Variants in ZCWPW2 observed in about 807,000 individuals in gnomAD.
ZCWPW2 encodes zinc finger CW-type and PWWP domain containing 2.
In ZCWPW2, 45 loss-of-function variants were observed where a neutral mutation model predicts 46.6. The observed-to-expected ratio is 0.96, with a 90% CI of 0.76 to 1.24. The LOEUF (loss-of-function observed/expected upper bound fraction) is 1.24, where lower values mean the gene tolerates loss of function less well. Among genes scored for constraint, ZCWPW2 ranks in the 50% most tolerant of loss-of-function variants. The pLI, the probability that ZCWPW2 is intolerant of heterozygous loss-of-function variation, is 0.00. For missense variants in ZCWPW2, 429 were observed against 403.9 expected (o/e 1.06, Z -0.53); for synonymous variants, 152 against 137.1 (o/e 1.11, Z -0.76).
intron 6 of ZCWPW2, among the ~76,000 whole-genome samples, chr3:28,503,085 A>G (rs1368312945): frequency 2.3e-4 from 35 of 152,166 alleles, no homozygotes; most frequent in Admixed American, 2.3e-3. Flanking sequence ...TGGAATTTGA[A>G]TTTGATGATA....
intron 2 of ZCWPW2, among the ~76,000 whole-genome samples, chr3:28,391,104 GA>G (rs199898218): frequency 0.011 from 1,644 of 152,274 alleles, 12 homozygotes; most frequent in Middle Eastern, 0.041. Flanking sequence ...AGTTAAGGGA[GA>G]TTACATAAGA....
At chr3:28,505,958 C>T (rs1169296438) in intron 6 of ZCWPW2, among the ~76,000 whole-genome samples, 1 of 151,444 alleles carries the variant, frequency 6.6e-6, no homozygotes, top group East Asian at 1.9e-4. Flanking sequence ...AATGTCAAGT[C>T]AGTTTATGCA....
intron 1 of ZCWPW2, among the ~76,000 whole-genome samples, chr3:28,384,818 G>T (rs1240166713): frequency 6.6e-6 from 1 of 151,954 alleles, no homozygotes; most frequent in Non-Finnish European, 1.5e-5. Context: ...GTTTTACCAT[G>T]TTGGCCAGGC....
intron 4 of ZCWPW2, among the ~76,000 whole-genome samples, chr3:28,453,699 G>C (rs1481391474): frequency 6.6e-6 from 1 of 151,884 alleles, no homozygotes; most frequent in Non-Finnish European, 1.5e-5. Context: ...TCTTAAATTA[G>C]TAAATAGCTG....
rs193084268 is a variant in ZCWPW2, at chr3:28,355,641, C to G, written c.-134+6438C>G. 2.5e-4 allele frequency among the ~76,000 whole-genome samples: 38 copies of G among 152,292 alleles called. No homozygotes were observed. In the East Asian group the frequency reaches 4.2e-3, roughly 17 times the overall value. On this transcript the variant is annotated intron_variant, in intron 1 of 9. Transcript: ENST00000383768. ...TAACCAAAATAGCATGGTACTGGTA[C>G]CAAAACAGAGATGTAGACCAATGGA...
intron 2 of ZCWPW2, among the ~76,000 whole-genome samples, chr3:28,410,533 A>G (rs1696361219): frequency 1.3e-5 from 2 of 152,044 alleles, no homozygotes; most frequent in Non-Finnish European, 2.9e-5. Flanking sequence ...CCAAAATACA[A>G]TTACATTAAA....
At chr3:28,441,770 G>T (rs1043288718) in intron 4 of ZCWPW2, among the ~76,000 whole-genome samples, 8 of 152,260 alleles carry the variant, frequency 5.3e-5, no homozygotes, top group African/African-American at 1.9e-4. Flanking sequence ...GGCTAGATGG[G>T]TCAGAAAGCA....
Position 28,429,099 on chromosome 3 carries a change from C to T in ZCWPW2, c.333-6011C>T, listed in dbSNP as rs139506460. 2.8e-3 allele frequency among the ~76,000 whole-genome samples: 422 copies of T among 152,232 alleles called. 2 individuals are homozygous for T. The highest frequency in any genetic ancestry group is 9.2e-3 in the African/African-American group (384 of 41,542). On this transcript the variant is annotated intron_variant, in intron 3 of 9. Coordinates refer to ENST00000383768, the MANE Select transcript of ZCWPW2 (RefSeq NM_001040432.4). ...GCTGAGATTGGAATAGTTTGGAGGG[C>T]TCGATACAAGACAGAAAGATGTGGG...
At chr3:28,360,829 C>G (rs13095675) in intron 1 of ZCWPW2, among the ~76,000 whole-genome samples, 1 of 151,842 alleles carries the variant, frequency 6.6e-6, no homozygotes, top group African/African-American at 2.4e-5. Flanking sequence ...AGGAAGACTC[C>G]TACATTCTGA....
intron 4 of ZCWPW2, among the ~76,000 whole-genome samples, chr3:28,463,298 A>G (rs1289992585): frequency 3.9e-5 from 6 of 152,130 alleles, no homozygotes; most frequent in Non-Finnish European, 8.8e-5. Context: ...TTGGAATCAT[A>G]GGATTTACTG....
chr3:28,461,131 A>G (rs992639274), intron 4 of ZCWPW2: 1 of 163,698 alleles, frequency 6.1e-6, no homozygotes, highest in East Asian at 1.6e-4. Flanking sequence ...ATATATAAAC[A>G]TTGTGTCTAA....
chr3:28,521,471 A>C (rs1201536118), intron 9 of ZCWPW2, among the ~76,000 whole-genome samples: 1 of 152,212 alleles, frequency 6.6e-6, no homozygotes, highest in Non-Finnish European at 1.5e-5. Context: ...CAGGATACCA[A>C]GAGCTCACTG....
chr3:28,412,921 T>G, intron 2 of ZCWPW2, 135 bp from the exon 3 acceptor site: 1 of 625,990 alleles, frequency 1.6e-6, no homozygotes, highest in East Asian at 2.8e-5. Flanking sequence ...GTTCAACATA[T>G]GTAGTCTTTG....
chr3:28,349,751 A>G (rs1044656663), intron 1 of ZCWPW2, among the ~76,000 whole-genome samples: 1 of 152,192 alleles, frequency 6.6e-6, no homozygotes, highest in African/African-American at 2.4e-5. Context: ...AACAATAATT[A>G]TAGAAAATTT....
intron 1 of ZCWPW2, among the ~76,000 whole-genome samples, chr3:28,359,512 G>A (rs1192506593): frequency 1.3e-5 from 2 of 151,976 alleles, no homozygotes; most frequent in Non-Finnish European, 2.9e-5. Context: ...TTGAAGAAAA[G>A]AGAAAAAGGC....
intron 3 of ZCWPW2, among the ~76,000 whole-genome samples, chr3:28,433,142 C>T (rs1697339012): frequency 6.6e-6 from 1 of 151,968 alleles, no homozygotes; most frequent in African/African-American, 2.4e-5. Flanking sequence ...CTACACTATA[C>T]ACCACACATA....
At chr3:28,380,962 A>T (rs1437137089) in intron 1 of ZCWPW2, among the ~76,000 whole-genome samples, 1 of 53,906 alleles carries the variant, frequency 1.9e-5, no homozygotes, top group African/African-American at 1.0e-4. Flanking sequence ...ATATATATAT[A>T]TATATATATT....
At position 28,348,883 on chromosome 3, in the gene ZCWPW2, T is replaced by A. The variant is rs1704397851; in HGVS notation, c.-454T>A. ...CGAGAGAAGGCCCGTTACCCAGCAATACGCGCGCGAGACCCAGGCCCGCCG... is the reference window on the plus strand; with the variant it reads ...CGAGAGAAGGCCCGTTACCCAGCAAAACGCGCGCGAGACCCAGGCCCGCCG... On this transcript the variant is annotated 5_prime_UTR_variant, in exon 1 of 10. Coordinates refer to ENST00000383768, the MANE Select transcript of ZCWPW2 (RefSeq NM_001040432.4). 1 of 918,226 alleles carries A rather than the reference T, an allele frequency of 1.1e-6. No homozygotes were observed. The highest frequency in any genetic ancestry group is 1.3e-6 in the Non-Finnish European group (1 of 768,586). 56.9% of individuals were successfully genotyped at this position (918,226 alleles called of 1,614,324 possible). A position where few individuals can be genotyped will look rare whatever the true frequency, so the allele number is the denominator to read the frequency against.
At chr3:28,423,551 A>G (rs1696883802) in intron 3 of ZCWPW2, among the ~76,000 whole-genome samples, 1 of 151,694 alleles carries the variant, frequency 6.6e-6, no homozygotes, top group Non-Finnish European at 1.5e-5. Flanking sequence ...TATTTTTAGT[A>G]GAGATGGGGT....
Sources: allele counts gnomAD v4.1 joint callset (sites outside exome capture counted in the v4.1 genomes callset), GRCh38; gene constraint gnomAD v4.1.1; transcripts MANE v1.5; gene names NCBI Gene and HGNC (gene_info 2026-07-23, HGNC 2026-07-21).